MPP7: variants seen among roughly 807,000 people sequenced by gnomAD.
MPP7 encodes the protein MAGUK p55 subfamily member 7.
MPP7 carries 60 observed loss-of-function variants against 76.5 expected under a neutral mutation model. The ratio of observed to expected loss-of-function variants is 0.78; its 90% CI spans 0.64 to 0.97. The LOEUF (loss-of-function observed/expected upper bound fraction) is 0.97. Ranked by LOEUF, MPP7 falls within the 50% of genes least tolerant of loss-of-function variation. MPP7 has a pLI of 0.00. For synonymous variants in MPP7, 237 were observed against 244.5 expected (o/e 0.97, Z 0.29); for missense variants, 641 against 694.0 (o/e 0.92, Z 0.86).
At chr10:28,132,980 T>A (rs185339014) in intron 5 of MPP7, among the ~76,000 whole-genome samples, 15 of 151,566 alleles carry the variant, frequency 9.9e-5, no homozygotes, top group Admixed American at 9.9e-4. Flanking sequence ...AACTACAACA[T>A]CTGTTTTTGT....
chr10:28,291,650 T>A (rs752922223), intron 1 of MPP7, among the ~76,000 whole-genome samples: 6 of 152,118 alleles, frequency 3.9e-5, no homozygotes, highest in Non-Finnish European at 5.9e-5. Context: ...ATACTGATGA[T>A]CCTGACCCTG....
intron 1 of MPP7, among the ~76,000 whole-genome samples, chr10:28,332,009 A>G (rs1834474971): frequency 6.6e-6 from 1 of 152,200 alleles, no homozygotes; most frequent in Non-Finnish European, 1.5e-5. Flanking sequence ...CCTCTATAAG[A>G]GAATATAAAG....
At chr10:28,209,007 C>A (rs551385097) in intron 2 of MPP7, among the ~76,000 whole-genome samples, 3 of 151,992 alleles carry the variant, frequency 2.0e-5, no homozygotes, top group Admixed American at 1.3e-4. Flanking sequence ...CACCTCCCCC[C>A]ACTCACTTCC....
chr10:28,071,458 G>A (rs1476297464), intron 12 of MPP7, among the ~76,000 whole-genome samples: 1 of 152,118 alleles, frequency 6.6e-6, no homozygotes, highest in African/African-American at 2.4e-5. Flanking sequence ...CCACACTGCT[G>A]TCCAGTATCA....
rs879868569 is a variant in MPP7, at chr10:28,310,800, TG to T, written c.-132+19128del. 4.9e-3 allele frequency among the ~76,000 whole-genome samples: 747 copies of T among 151,772 alleles called. 11 individuals are homozygous for T. Among genetic ancestry groups the T allele is most frequent in the African/African-American group, 0.017 (707 of 41,362 alleles). ...GAAAAAGCTATAAACCACTTTACCC[TG>T]CACTGATCTGATAGACTCATTGGAA... On this transcript the variant is annotated intron_variant, in intron 2 of 11. Transcript: ENST00000441595.
chr10:28,207,862 T>C (rs1837999998), intron 2 of MPP7, among the ~76,000 whole-genome samples: 1 of 152,258 alleles, frequency 6.6e-6, no homozygotes, highest in South Asian at 2.1e-4. Context: ...TATAGATTTT[T>C]AAGTGCACTA....
intron 5 of MPP7, among the ~76,000 whole-genome samples, chr10:28,133,345 G>A (rs1835255339): frequency 6.6e-6 from 1 of 152,136 alleles, no homozygotes; most frequent in Admixed American, 6.5e-5. Context: ...AGTCCTGCAT[G>A]CCTCTCCAAC....
At chr10:28,221,200 A>T (rs1838493571) in intron 2 of MPP7, among the ~76,000 whole-genome samples, 1 of 152,202 alleles carries the variant, frequency 6.6e-6, no homozygotes, top group South Asian at 2.1e-4. Context: ...TCTAAGCTGT[A>T]AACGTTTTTT....
intron 2 of MPP7, among the ~76,000 whole-genome samples, chr10:28,310,002 CTTTTTTTT>C (rs770667750): frequency 1.8e-5 from 2 of 111,306 alleles, no homozygotes; most frequent in African/African-American, 6.8e-5. Flanking sequence ...CCAATTAAAC[CTTTTTTTT>C]TTTTTTTTTT....
chr10:28,303,907 A>G (rs555565564), upstream of MPP7, among the ~76,000 whole-genome samples: 1 of 152,356 alleles, frequency 6.6e-6, no homozygotes, highest in Admixed American at 6.5e-5. Context: ...CATAATGTGG[A>G]CAGCACTACA....
At chr10:28,144,473 T>C (rs1170792638) in intron 5 of MPP7, among the ~76,000 whole-genome samples, 1 of 152,148 alleles carries the variant, frequency 6.6e-6, no homozygotes, top group African/African-American at 2.4e-5. Flanking sequence ...AAAGGTCGAC[T>C]CCCCAGCTCC....
chr10:28,095,214 T>C (rs962851529), intron 11 of MPP7, among the ~76,000 whole-genome samples: 3 of 140,966 alleles, frequency 2.1e-5, no homozygotes, highest in Non-Finnish European at 4.5e-5. Flanking sequence ...TATATATATA[T>C]ATATATATAC....
At chr10:28,120,043 A>T in intron 10 of MPP7, 151 bp downstream of exon 10, 1 of 799,888 alleles carries the variant, frequency 1.3e-6, no homozygotes, top group Non-Finnish European at 1.9e-6. Flanking sequence ...CATCATACTT[A>T]GTTAGACAAA....
chr10:28,060,154 T>C (rs959131588), intron 13 of MPP7, among the ~76,000 whole-genome samples: 3 of 152,168 alleles, frequency 2.0e-5, no homozygotes, highest in African/African-American at 7.2e-5. Context: ...CTGAAACTGT[T>C]TGACTCTCTT....
At chr10:28,304,343 C>T (rs1207111244), upstream of MPP7, among the ~76,000 whole-genome samples, 2 of 152,144 alleles carry the variant, frequency 1.3e-5, no homozygotes, top group Non-Finnish European at 2.9e-5. Context: ...AAATTAAGCA[C>T]TTCCCCCCAG....
At chr10:28,221,853 G>A (rs1588945266) in intron 2 of MPP7, among the ~76,000 whole-genome samples, 1 of 152,124 alleles carries the variant, frequency 6.6e-6, no homozygotes, top group Non-Finnish European at 1.5e-5. Flanking sequence ...CATTTAATGT[G>A]AGTGCTAGCA....
At chr10:28,181,568 A>G (rs938786169) in intron 3 of MPP7, among the ~76,000 whole-genome samples, 12 of 150,444 alleles carry the variant, frequency 8.0e-5, no homozygotes, top group Non-Finnish European at 1.8e-4. Context: ...TGGGCACTCA[A>G]GTATTTGTGA....
chr10:28,071,224 G>A (rs117154323), intron 12 of MPP7, among the ~76,000 whole-genome samples: 47 of 152,322 alleles, frequency 3.1e-4, no homozygotes, highest in Non-Finnish European at 5.6e-4. Context: ...GGAGGTCACA[G>A]GAGGCTTTGA....
intron 5 of MPP7, among the ~76,000 whole-genome samples, chr10:28,140,478 G>A (rs566458188): frequency 3.3e-5 from 5 of 151,848 alleles, no homozygotes; most frequent in East Asian, 1.9e-4. Context: ...GCCACTGTAC[G>A]TCAGCCTGGG....
Sources: gnomAD v4.1 joint callset for allele counts (sites outside exome capture counted in the v4.1 genomes callset) on GRCh38, gnomAD v4.1.1 for gene constraint, MANE v1.5 for transcripts, NCBI Gene and HGNC (gene_info 2026-07-23, HGNC 2026-07-21) for gene names.